Variants in TBC1D8 observed in about 807,000 individuals in gnomAD.
TBC1D8 encodes TBC1 domain family member 8.
TBC1D8 carries 65 observed loss-of-function variants against 118.8 expected under a neutral mutation model. The ratio of observed to expected loss-of-function variants is 0.55; its 90% CI spans 0.45 to 0.67. The LOEUF is 0.67. Ranked by LOEUF, TBC1D8 falls within the 30% of genes least tolerant of loss-of-function variation. The probability of loss-of-function intolerance (pLI) is 0.00; values close to 1 mark genes in which losing one functional copy is unlikely to be tolerated. For synonymous variants in TBC1D8, 566 were observed against 595.8 expected, an observed-to-expected ratio of 0.95 and a Z score of 0.73; for missense variants, 1,376 against 1,471.2, an observed-to-expected ratio of 0.94 and a Z score of 1.06.
chr2:101,150,688 A>G (rs904833234), intron 1 of TBC1D8, among the ~76,000 whole-genome samples: 146 of 152,066 alleles, frequency 9.6e-4, no homozygotes, highest in African/African-American at 3.3e-3. Context: ...GCGCGCCCCC[A>G]GCCACGACAC....
intron 2 of TBC1D8, among the ~76,000 whole-genome samples, chr2:101,064,012 G>A (rs1264838863): frequency 6.6e-6 from 1 of 152,122 alleles, no homozygotes; most frequent in African/African-American, 2.4e-5. Flanking sequence ...AATTAACTCA[G>A]TACCACAGCA....
chr2:101,087,813 G>C (rs1285880974), intron 2 of TBC1D8, among the ~76,000 whole-genome samples: 1 of 152,178 alleles, frequency 6.6e-6, no homozygotes, highest in African/African-American at 2.4e-5. Context: ...GATTGGGAAA[G>C]CAGGGAGGAG....
At chr2:101,041,785 G>T (rs1360479755) in intron 5 of TBC1D8, among the ~76,000 whole-genome samples, 1 of 152,072 alleles carries the variant, frequency 6.6e-6, no homozygotes, top group Non-Finnish European at 1.5e-5. Context: ...AGCACTTTGG[G>T]AGGCCGTGCA....
chr2:101,091,092 G>C (rs1207522336), intron 1 of TBC1D8, among the ~76,000 whole-genome samples: 2 of 151,922 alleles, frequency 1.3e-5, no homozygotes, highest in Admixed American at 6.6e-5. Context: ...AGACCAGCCT[G>C]GCCAACATGG....
chr2:101,145,901 A>G (rs1231390224), intron 1 of TBC1D8, among the ~76,000 whole-genome samples: 1 of 152,222 alleles, frequency 6.6e-6, no homozygotes, highest in African/African-American at 2.4e-5. Flanking sequence ...GCACTAATAG[A>G]TAAGTGAATG....
At chr2:101,035,949 T>C in intron 9 of TBC1D8, 69 bp downstream of exon 9, 2 of 1,567,806 alleles carry the variant, frequency 1.3e-6, no homozygotes, top group South Asian at 2.2e-5. Context: ...CACGCGCTGC[T>C]CGGGTCCGGG....
chr2:101,124,817 T>A (rs780541942), intron 1 of TBC1D8, among the ~76,000 whole-genome samples: 49 of 152,278 alleles, frequency 3.2e-4, no homozygotes, highest in Non-Finnish European at 5.0e-4. Context: ...CAGAGAGTGA[T>A]GAAGAGGCTG....
chr2:101,145,422 T>A (rs1466828669), intron 1 of TBC1D8, among the ~76,000 whole-genome samples: 1 of 152,228 alleles, frequency 6.6e-6, no homozygotes, highest in Non-Finnish European at 1.5e-5. Context: ...AGCCAACATC[T>A]GGGACTTCTA....
intron 10 of TBC1D8, chr2:101,032,708 C>T (rs372776374): frequency 1.7e-5 from 4 of 239,978 alleles, no homozygotes; most frequent in South Asian, 1.4e-4. Context: ...CATGCACACA[C>T]GTGCACACAC....
intron 2 of TBC1D8, among the ~76,000 whole-genome samples, chr2:101,070,073 G>A (rs894580332): frequency 2.6e-5 from 4 of 151,670 alleles, no homozygotes; most frequent in Admixed American, 6.6e-5. Flanking sequence ...CCACGACCAC[G>A]CCCAGCTAAT....
At chr2:101,037,438 G>A (rs1681082239) in intron 8 of TBC1D8, 94 bp downstream of exon 8, 4 of 1,516,122 alleles carry the variant, frequency 2.6e-6, no homozygotes, top group Non-Finnish European at 3.5e-6. Flanking sequence ...CCAAAGTCAG[G>A]TGCCACGTTC....
chr2:101,090,265 G>T lies in TBC1D8; in HGVS notation c.227C>A (p.Pro76His). Residue 76 changes from proline (P) to histidine (H), a missense_variant, in exon 2 of 20, where the codon CCC becomes CAC. Transcript: ENST00000409318. ...LQVPGSQVYS[P>H]IACGELLNGS... ...ATTCAGTAACTCACCACATGCTATG[G>T]GAGAATAAACCTGGGAGCCGGGAAC... is the stretch of plus-strand genomic sequence containing the variant. 16 of 1,613,970 alleles carry T rather than the reference G, an allele frequency of 9.9e-6. No individual in the cohort carries two copies. Among genetic ancestry groups the T allele is most frequent in the Non-Finnish European group, 1.4e-5 (16 of 1,179,868 alleles).
chr2:101,039,742 G>A (rs999662339), intron 6 of TBC1D8, among the ~76,000 whole-genome samples: 5 of 151,984 alleles, frequency 3.3e-5, no homozygotes, highest in African/African-American at 1.2e-4. Flanking sequence ...GCATACAAAA[G>A]CCAGGCAATT....
chr2:101,122,478 T>C (rs533082208), intron 1 of TBC1D8, among the ~76,000 whole-genome samples: 3 of 151,994 alleles, frequency 2.0e-5, no homozygotes, highest in East Asian at 3.9e-4. Context: ...TTCTTTTTCA[T>C]TTATTTTTCC....
intron 1 of TBC1D8, among the ~76,000 whole-genome samples, chr2:101,129,840 G>A (rs999343270): frequency 6.6e-6 from 1 of 151,666 alleles, no homozygotes; most frequent in Admixed American, 6.6e-5. Flanking sequence ...AGGAGGCGGA[G>A]CTAGCAGTGA....
intron 3 of TBC1D8, among the ~76,000 whole-genome samples, chr2:101,055,275 G>C (rs1365658853): frequency 6.6e-6 from 1 of 151,798 alleles, no homozygotes; most frequent in Non-Finnish European, 1.5e-5. Context: ...TGCAATCCCA[G>C]CTACTTGGGA....
At chr2:101,074,225 G>A (rs896873681) in intron 2 of TBC1D8, among the ~76,000 whole-genome samples, 2 of 152,180 alleles carry the variant, frequency 1.3e-5, no homozygotes, top group Admixed American at 6.5e-5. Context: ...TGCCCAACAA[G>A]AAGGTGGCCC....
intron 2 of TBC1D8, among the ~76,000 whole-genome samples, chr2:101,082,374 C>A (rs901361076): frequency 6.6e-6 from 1 of 152,124 alleles, no homozygotes; most frequent in East Asian, 1.9e-4. Context: ...GGGCTCTGCA[C>A]GAGATAGGCA....
At chr2:101,018,985 A>ATTTCTGTGCTAG (rs761982045) in intron 17 of TBC1D8, 1 of 1,611,206 alleles carries the variant, frequency 6.2e-7, no homozygotes, top group Non-Finnish European at 8.5e-7. Context: ...CATCTGTAAT[A>ATTTCTGTGCTAG]TTTCTGTGCT....
Sources: gnomAD v4.1 joint callset for allele counts (sites outside exome capture counted in the v4.1 genomes callset) on GRCh38, gnomAD v4.1.1 for gene constraint, MANE v1.5 for transcripts, NCBI Gene and HGNC (gene_info 2026-07-23, HGNC 2026-07-21) for gene names.